The following PPFIA2 variants were observed in gnomAD, a reference collection of about 807,000 sequenced individuals.
PPFIA2 encodes liprin-alpha-2.
In PPFIA2, 46 loss-of-function variants were observed where a neutral mutation model predicts 175.5. The observed-to-expected ratio is 0.26, with a 90% CI of 0.21 to 0.34. The LOEUF (loss-of-function observed/expected upper bound fraction) is 0.34, where lower values mean the gene tolerates loss of function less well. Among genes scored for constraint, PPFIA2 ranks in the 10% least tolerant of loss-of-function variants. The pLI, the probability that PPFIA2 is intolerant of heterozygous loss-of-function variation, is 1.00. For missense variants in PPFIA2, 1,179 were observed against 1,506.1 expected, an observed-to-expected ratio of 0.78 and a Z score of 3.60; for synonymous variants, 568 against 511.4, an observed-to-expected ratio of 1.11 and a Z score of -1.49.
chr12:81,367,117 T>C lies in PPFIA2; in HGVS notation c.1536A>G (p.Leu512=), dbSNP rs1023174544. 20 of 1,448,570 alleles carry C rather than the reference T, an allele frequency of 1.4e-5. No homozygotes were observed. The highest frequency in any genetic ancestry group is 1.6e-5 in the Non-Finnish European group (18 of 1,094,070). The allele number at this position is 1,448,570 out of a possible 1,614,324, so 89.7% of individuals were successfully genotyped here. Residue 512 remains leucine, a synonymous_variant, in exon 14 of 33, where the codon TTA becomes TTG. Coordinates refer to ENST00000549396, the MANE Select transcript of PPFIA2 (RefSeq NM_003625.5). Reference sequence around the variant, plus strand: ...TAAGTTTCCATTATACCTTATCATGTAAAGATTCTTCAAGATTCTTTCTGA... The same window carrying C: ...TAAGTTTCCATTATACCTTATCATGCAAAGATTCTTCAAGATTCTTTCTGA... ...ETFRKNLEES[L]HDKERLAEEI... is the part of the protein sequence containing the mutation.
At chr12:81,741,561 G>A (rs1388739214) in intron 3 of PPFIA2, among the ~76,000 whole-genome samples, 1 of 152,046 alleles carries the variant, frequency 6.6e-6, no homozygotes, top group Non-Finnish European at 1.5e-5. Context: ...GCCACAAGTG[G>A]CTCAGGATGG....
Position 81,384,211 on chromosome 12 carries a change from C to G in PPFIA2, c.796G>C (p.Glu266Gln), listed in dbSNP as rs2038411867. ...TGTAGTTCAACTATTTGACTAGTTT[C>G]ATCGGTTGAGTCTATAGAACCATTG... ...LSNGSIDSTD[E>Q]TSQIVELQEL... Residue 266 changes from glutamate to glutamine, a missense_variant, in exon 9 of 33, where the codon GAA becomes CAA. By Grantham distance (29) the Glu-to-Gln change is conservative. Around this residue, in one of 10 missense-constraint regions of PPFIA2, gnomAD observed 226 missense variants for 216.6 expected, o/e 1.04. Coordinates refer to ENST00000549396, the MANE Select transcript of PPFIA2 (RefSeq NM_003625.5). 1 of 1,601,366 alleles carries G rather than the reference C, an allele frequency of 6.2e-7. No individual in the cohort carries two copies. The highest frequency in any genetic ancestry group is 8.5e-7 in the Non-Finnish European group (1 of 1,172,608).
chr12:81,390,238 C>T (rs949853041), intron 8 of PPFIA2, among the ~76,000 whole-genome samples: 1 of 151,962 alleles, frequency 6.6e-6, no homozygotes, highest in Admixed American at 6.6e-5. Context: ...AAATAACTGC[C>T]GTGAACTTTT....
chr12:81,577,353 A>G (rs1029864823), intron 4 of PPFIA2, among the ~76,000 whole-genome samples: 3 of 151,864 alleles, frequency 2.0e-5, no homozygotes, highest in Non-Finnish European at 4.4e-5. Flanking sequence ...AAAGGTTCCT[A>G]TCCTGTGCAC....
At chr12:81,519,023 A>G (rs1272120466) in intron 4 of PPFIA2, among the ~76,000 whole-genome samples, 1 of 152,222 alleles carries the variant, frequency 6.6e-6, no homozygotes, top group African/African-American at 2.4e-5. Flanking sequence ...TGTAAAGCCA[A>G]TGATATACAA....
At position 81,484,628 on chromosome 12, in the gene PPFIA2, A is replaced by G. The variant is rs1246065081; in HGVS notation, c.304-26762T>C. ...AGTACTACGGAAATGAATTACCATT[A>G]ATATTGAGAATATACATGCTAGGCC... On this transcript the variant is annotated intron_variant, in intron 4 of 32. Transcript: ENST00000549396. Among the ~76,000 whole-genome samples the G allele has an allele frequency of 3.3e-5, 5 of 152,154 alleles. No homozygotes were observed. The East Asian group carries it at 9.7e-4, about 29-fold the overall frequency.
intron 21 of PPFIA2, among the ~76,000 whole-genome samples, chr12:81,333,208 C>T (rs1025218243): frequency 6.6e-6 from 1 of 152,178 alleles, no homozygotes; most frequent in African/African-American, 2.4e-5. Context: ...AGAATTCTGA[C>T]ACCCCACTGT....
chr12:81,266,944 G>C lies in PPFIA2; in HGVS notation c.3555+8C>G. ...CTCAGATCTCTTTTGAATAACAGGT[G>C]GACTTACTTCATCCAGTCGCCTTTC... On this transcript the variant is annotated splice_region_variant and intron_variant, in intron 30 of 32. Transcript: ENST00000549396. The C allele has an allele frequency of 1.3e-6, 2 of 1,596,968 alleles. No individual in the cohort carries two copies. Among genetic ancestry groups the C allele is most frequent in the Non-Finnish European group, 1.7e-6 (2 of 1,165,164 alleles).
At chr12:81,515,005 T>C (rs2147898436) in intron 4 of PPFIA2, among the ~76,000 whole-genome samples, 1 of 152,074 alleles carries the variant, frequency 6.6e-6, no homozygotes, top group Admixed American at 6.6e-5. Flanking sequence ...TTTAAGATCA[T>C]ATACAGCTAA....
intron 4 of PPFIA2, among the ~76,000 whole-genome samples, chr12:81,499,676 A>T (rs1364410209): frequency 6.6e-6 from 1 of 152,120 alleles, no homozygotes; most frequent in Non-Finnish European, 1.5e-5. Context: ...AGTAGAATTT[A>T]AAAAATTCTT....
At chr12:81,525,582 C>A (rs1163746378) in intron 4 of PPFIA2, among the ~76,000 whole-genome samples, 3 of 152,012 alleles carry the variant, frequency 2.0e-5, no homozygotes, top group Non-Finnish European at 4.4e-5. Context: ...GTTGAGGACT[C>A]AAATCTGGCC....
chr12:81,509,533 C>T (rs2061545464), intron 4 of PPFIA2, among the ~76,000 whole-genome samples: 1 of 151,904 alleles, frequency 6.6e-6, no homozygotes, highest in African/African-American at 2.4e-5. Flanking sequence ...CTGTCTTCTT[C>T]ACCCATATTT....
chr12:81,268,650 C>T (rs1399835047), intron 28 of PPFIA2, among the ~76,000 whole-genome samples: 1 of 152,172 alleles, frequency 6.6e-6, no homozygotes, highest in Non-Finnish European at 1.5e-5. Flanking sequence ...ACTTCAGTCG[C>T]GTAGAACACG....
At chr12:81,386,930 T>C (rs2142083331) in intron 8 of PPFIA2, among the ~76,000 whole-genome samples, 1 of 152,206 alleles carries the variant, frequency 6.6e-6, no homozygotes, top group Non-Finnish European at 1.5e-5. Context: ...ACTGGCTAAA[T>C]ACAGAAAACC....
At chr12:81,540,316 G>A (rs141333036) in intron 4 of PPFIA2, among the ~76,000 whole-genome samples, 77 of 152,094 alleles carry the variant, frequency 5.1e-4, no homozygotes, top group African/African-American at 1.8e-3. Context: ...AATGGAAAGA[G>A]CTATGTTTTA....
At chr12:81,657,500 T>C (rs912580824) in intron 4 of PPFIA2, among the ~76,000 whole-genome samples, 2 of 152,156 alleles carry the variant, frequency 1.3e-5, no homozygotes, top group Non-Finnish European at 2.9e-5. Context: ...TCATTCTTTC[T>C]GGAATGACTA....
intron 4 of PPFIA2, among the ~76,000 whole-genome samples, chr12:81,564,903 G>A (rs569548720): frequency 6.6e-6 from 1 of 152,234 alleles, no homozygotes; most frequent in African/African-American, 2.4e-5. Flanking sequence ...TGGAAAAACA[G>A]ACACAAGCTC....
At chr12:81,580,476 T>C (rs1019125945) in intron 4 of PPFIA2, among the ~76,000 whole-genome samples, 6 of 151,758 alleles carry the variant, frequency 4.0e-5, no homozygotes, top group East Asian at 3.9e-4. Context: ...ATCAAACAGA[T>C]TGAAATGGAA....
At chr12:81,518,756 A>G (rs1287921533) in intron 4 of PPFIA2, among the ~76,000 whole-genome samples, 1 of 152,140 alleles carries the variant, frequency 6.6e-6, no homozygotes, top group Non-Finnish European at 1.5e-5. Flanking sequence ...TAATTTCCAC[A>G]AGGGCAAAGA....
Sources: allele counts gnomAD v4.1 joint callset (sites outside exome capture counted in the v4.1 genomes callset), GRCh38; gene constraint gnomAD v4.1.1; regional missense constraint gnomAD v4.1.1; transcripts MANE v1.5; gene names NCBI Gene and HGNC (gene_info 2026-07-23, HGNC 2026-07-21).